The following ADCY2 variants were observed in gnomAD, a reference collection of about 807,000 sequenced individuals.
ADCY2 encodes the protein adenylate cyclase type 2.
In ADCY2, 31 loss-of-function variants were observed where a neutral mutation model predicts 125.2. That is an observed-to-expected ratio of 0.25 (90% CI 0.19 to 0.33). The LOEUF (loss-of-function observed/expected upper bound fraction) is 0.33. Ranked by LOEUF, ADCY2 falls within the 10% of genes least tolerant of loss-of-function variation. The pLI is 1.00. For missense variants in ADCY2, 904 were observed against 1,418.2 expected (o/e 0.64, Z 5.82); for synonymous variants, 512 against 548.4 (o/e 0.93, Z 0.93).
intron 2 of ADCY2, among the ~76,000 whole-genome samples, chr5:7,483,436 A>G (rs1561050643): frequency 6.6e-6 from 1 of 152,152 alleles, no homozygotes; most frequent in Non-Finnish European, 1.5e-5. Flanking sequence ...AAAGCATTTC[A>G]TCTTAGAGAG....
chr5:7,450,921 A>C (rs971551078), intron 2 of ADCY2, among the ~76,000 whole-genome samples: 3 of 152,230 alleles, frequency 2.0e-5, no homozygotes, highest in Admixed American at 2.0e-4. Context: ...GCATGAACTT[A>C]AAATATTTCT....
At chr5:7,693,418 T>TG (rs1166241639) in intron 5 of ADCY2, among the ~76,000 whole-genome samples, 16 of 133,468 alleles carry the variant, frequency 1.2e-4, no homozygotes, top group African/African-American at 3.8e-4. Context: ...TTTTTGTTTT[T>TG]TTTTTTTTTT....
At chr5:7,601,775 A>G (rs1737213373) in intron 3 of ADCY2, among the ~76,000 whole-genome samples, 1 of 151,996 alleles carries the variant, frequency 6.6e-6, no homozygotes, top group Non-Finnish European at 1.5e-5. Context: ...GCCTTCCTGC[A>G]TTTCCCTCCT....
intron 4 of ADCY2, among the ~76,000 whole-genome samples, chr5:7,690,111 T>C (rs1740660043): frequency 6.6e-6 from 1 of 152,224 alleles, no homozygotes; most frequent in Non-Finnish European, 1.5e-5. Context: ...GTTCCACCTG[T>C]AGTTTCTTAT....
At chr5:7,694,542 C>T (rs1329216549) in intron 5 of ADCY2, among the ~76,000 whole-genome samples, 4 of 152,196 alleles carry the variant, frequency 2.6e-5, no homozygotes, top group African/African-American at 9.7e-5. Flanking sequence ...ACAGTATTTG[C>T]TCTTTGTACC....
chr5:7,703,737 A>G (rs1741166364), intron 7 of ADCY2, among the ~76,000 whole-genome samples: 1 of 152,164 alleles, frequency 6.6e-6, no homozygotes, highest in Non-Finnish European at 1.5e-5. Context: ...TGAACTTTAA[A>G]GTAGTTTTTT....
intron 7 of ADCY2, among the ~76,000 whole-genome samples, chr5:7,705,145 G>T (rs962612254): frequency 2.6e-5 from 4 of 152,096 alleles, no homozygotes; most frequent in Non-Finnish European, 4.4e-5. Flanking sequence ...AACAATTATG[G>T]GTTCTCTAAT....
chr5:7,625,438 A>G (rs956989187), intron 3 of ADCY2, among the ~76,000 whole-genome samples: 1 of 152,234 alleles, frequency 6.6e-6, no homozygotes, highest in Non-Finnish European at 1.5e-5. Context: ...ACAAGGCCGT[A>G]TGGAAAGCAG....
chr5:7,566,581 C>T (rs974380357), intron 3 of ADCY2, among the ~76,000 whole-genome samples: 1 of 152,074 alleles, frequency 6.6e-6, no homozygotes, highest in Admixed American at 6.6e-5. Flanking sequence ...TCTGTTTCTT[C>T]TTACTAAGTG....
chr5:7,818,760 C>G (rs190098021), intron 23 of ADCY2, among the ~76,000 whole-genome samples: 1 of 148,576 alleles, frequency 6.7e-6, no homozygotes, highest in Non-Finnish European at 1.5e-5. Flanking sequence ...CAAACATGGG[C>G]GTGTCCCTTT....
intron 17 of ADCY2, among the ~76,000 whole-genome samples, chr5:7,771,193 G>A (rs1743546105): frequency 6.6e-6 from 1 of 152,152 alleles, no homozygotes; most frequent in Non-Finnish European, 1.5e-5. Flanking sequence ...CAAAGAGCAT[G>A]CTAGACCCCT....
intron 3 of ADCY2, among the ~76,000 whole-genome samples, chr5:7,602,824 G>C (rs577363537): frequency 6.6e-6 from 1 of 152,210 alleles, no homozygotes; most frequent in South Asian, 2.1e-4. Flanking sequence ...TGACTCAATT[G>C]GGCTGTTCCA....
intron 3 of ADCY2, among the ~76,000 whole-genome samples, chr5:7,524,525 C>G (rs1734376475): frequency 6.6e-6 from 1 of 152,208 alleles, no homozygotes; most frequent in Non-Finnish European, 1.5e-5. Context: ...CATGGCATGA[C>G]ACATGGCAAT....
intron 4 of ADCY2, among the ~76,000 whole-genome samples, chr5:7,629,170 G>A (rs1257482277): frequency 4.6e-5 from 7 of 152,224 alleles, no homozygotes; most frequent in African/African-American, 7.2e-5. Flanking sequence ...TAGCAGCTGC[G>A]TCAGAGAGAG....
At chr5:7,459,099 C>T (rs1227566414) in intron 2 of ADCY2, among the ~76,000 whole-genome samples, 2 of 152,160 alleles carry the variant, frequency 1.3e-5, no homozygotes, top group Admixed American at 6.5e-5. Flanking sequence ...TAGGTGGGTG[C>T]GGATCTTCTG....
chr5:7,440,293 A>G (rs1268498079), intron 2 of ADCY2, among the ~76,000 whole-genome samples: 2 of 152,180 alleles, frequency 1.3e-5, no homozygotes, highest in Non-Finnish European at 2.9e-5. Context: ...ATAGCAAAGG[A>G]TGTTCTTGAT....
At chr5:7,667,514 CATG>C (rs150218311) in intron 4 of ADCY2, among the ~76,000 whole-genome samples, 4,650 of 152,222 alleles carry the variant, frequency 0.031, 241 homozygotes, top group African/African-American at 0.11. Flanking sequence ...ATACTTTTAA[CATG>C]ATAATATCCC....
chr5:7,696,351 C>T (rs574753136), intron 6 of ADCY2, among the ~76,000 whole-genome samples: 1 of 152,248 alleles, frequency 6.6e-6, no homozygotes, highest in African/African-American at 2.4e-5. Context: ...TCATTTTAAT[C>T]CTTTGATTCT....
At chr5:7,437,738 A>G (rs1337187107) in intron 2 of ADCY2, among the ~76,000 whole-genome samples, 1 of 152,228 alleles carries the variant, frequency 6.6e-6, no homozygotes, top group Non-Finnish European at 1.5e-5. Flanking sequence ...AGATACTGAT[A>G]CCAATGGGAT....
Sources: allele counts gnomAD v4.1 joint callset (sites outside exome capture counted in the v4.1 genomes callset), GRCh38; gene constraint gnomAD v4.1.1; transcripts MANE v1.5; gene names NCBI Gene and HGNC (gene_info 2026-07-23, HGNC 2026-07-21).